The following MTR variants were observed in gnomAD, a reference collection of about 807,000 sequenced individuals.
MTR encodes the protein methionine synthase.
In MTR, 84 loss-of-function variants were observed where a neutral mutation model predicts 154.8. The observed-to-expected ratio is 0.54, with a 90% confidence interval of 0.45 to 0.65. The LOEUF is 0.65. Ranked by LOEUF, MTR falls within the 30% of genes least tolerant of loss-of-function variation. MTR has a pLI of 0.00. For missense variants in MTR, 1,275 were observed against 1,570.2 expected (o/e 0.81, Z 3.18); for synonymous variants, 554 against 553.9 (o/e 1.00, Z 0.00).
rs745712705 is a variant in MTR at position 236,816,577 on chromosome 1, T to C, written c.764+34T>C. 9.5e-6 allele frequency: 15 copies of C among 1,581,158 alleles called. No homozygotes were observed. The East Asian group carries it at 3.4e-4, about 35-fold the overall frequency. ...TCCATCTTTCTGTAACTTCTTTTCT[T>C]TTTTGGGGAACCTTTTCTGATGGCT... On this transcript the variant is annotated intron_variant, in intron 8 of 32. Coordinates refer to ENST00000366577, the MANE Select transcript of MTR (RefSeq NM_000254.3).
At chr1:236,863,013 A>G (rs1010526374) in intron 21 of MTR, among the ~76,000 whole-genome samples, 1 of 152,172 alleles carries the variant, frequency 6.6e-6, no homozygotes, top group African/African-American at 2.4e-5. Flanking sequence ...ATAGAACAAC[A>G]GTGCTGAGGA....
chr1:236,859,844 A>C lies in MTR; in HGVS notation c.1965A>C (p.Thr655=), dbSNP rs370164038. The part of the protein sequence containing the change: ...KLLRYAQTQG[T]GGKKVIQTDE... ...CAATTTCAATTCAGACTCAAGGCAC[A>C]GGAGGGAAGAAAGTCATTCAGACTG... The change falls in exon 19 of 33, where the codon ACA becomes ACC. Residue 655 remains threonine, a synonymous_variant. Coordinates refer to ENST00000366577, the MANE Select transcript of MTR (RefSeq NM_000254.3). The C allele has an allele frequency of 1.9e-6, 3 of 1,613,726 alleles. No homozygotes were observed. Among genetic ancestry groups the C allele is most frequent in the Non-Finnish European group, 2.5e-6 (3 of 1,179,752 alleles).
chr1:236,887,538 AAC>A (rs1356520310), intron 27 of MTR, among the ~76,000 whole-genome samples: 1 of 152,264 alleles, frequency 6.6e-6, no homozygotes, highest in African/African-American at 2.4e-5. Context: ...TTGGAATAAT[AAC>A]ACAAGGGCAA....
chr1:236,888,744 A>C (rs992840291), intron 27 of MTR, among the ~76,000 whole-genome samples: 3 of 152,220 alleles, frequency 2.0e-5, no homozygotes, highest in South Asian at 2.1e-4. Context: ...CTTTGAGCAT[A>C]TGTGTCAGTA....
intron 15 of MTR, among the ~76,000 whole-genome samples, chr1:236,841,242 C>T (rs1304752395): frequency 6.6e-6 from 1 of 152,194 alleles, no homozygotes; most frequent in Non-Finnish European, 1.5e-5. Context: ...TTTTATCCTT[C>T]CCAATATAGT....
At chr1:236,882,557 A>G (rs1241604104) in intron 25 of MTR, among the ~76,000 whole-genome samples, 1 of 151,908 alleles carries the variant, frequency 6.6e-6, no homozygotes, top group African/African-American at 2.4e-5. Flanking sequence ...CTTCCGGCTA[A>G]TTTTTTTGTA....
At chr1:236,875,355 G>A (rs1351492289) in intron 24 of MTR, among the ~76,000 whole-genome samples, 1 of 152,178 alleles carries the variant, frequency 6.6e-6, no homozygotes, top group Admixed American at 6.5e-5. Context: ...TTCCTGAAAG[G>A]GGAGCTTTGT....
chr1:236,842,483 C>T (rs1377055845), intron 15 of MTR, among the ~76,000 whole-genome samples: 1 of 152,086 alleles, frequency 6.6e-6, no homozygotes, highest in East Asian at 1.9e-4. Flanking sequence ...GTGTTTTGCT[C>T]TGCATCGGGT....
chr1:236,847,128 C>T (rs1288873962), intron 15 of MTR, among the ~76,000 whole-genome samples: 1 of 152,088 alleles, frequency 6.6e-6, no homozygotes, highest in Non-Finnish European at 1.5e-5. Flanking sequence ...CTCAGGTGAT[C>T]CACCTGCCTC....
chr1:236,795,825 G>C (rs1262374178), intron 1 of MTR, 88 bp downstream of exon 1: 8 of 1,596,882 alleles, frequency 5.0e-6, no homozygotes, highest in Non-Finnish European at 6.0e-6. Flanking sequence ...TCCCTTCTGC[G>C]GCGGGAGACG....
chr1:236,851,514 A>C (rs772408880), intron 16 of MTR, among the ~76,000 whole-genome samples: 1 of 152,250 alleles, frequency 6.6e-6, no homozygotes, highest in Non-Finnish European at 1.5e-5. Flanking sequence ...TATTAGATAC[A>C]GCATCTTAAC....
At chr1:236,812,428 A>G (rs1004676269) in intron 5 of MTR, among the ~76,000 whole-genome samples, 1 of 152,348 alleles carries the variant, frequency 6.6e-6, no homozygotes, top group Admixed American at 6.5e-5. Flanking sequence ...AAAGAATGAT[A>G]TGTTTCAGAG....
At chr1:236,882,703 T>TGGGGGC (rs1665813892) in intron 25 of MTR, among the ~76,000 whole-genome samples, 1 of 152,138 alleles carries the variant, frequency 6.6e-6, no homozygotes, top group Non-Finnish European at 1.5e-5. Flanking sequence ...TCCTTCACCA[T>TGGGGGC]CTTGAAGAGC....
intron 22 of MTR, among the ~76,000 whole-genome samples, chr1:236,869,008 T>C (rs943790810): frequency 3.3e-5 from 5 of 152,190 alleles, no homozygotes; most frequent in Non-Finnish European, 7.4e-5. Context: ...TAAGTACAGG[T>C]TGGAAACCAT....
chr1:236,812,444 GA>G (rs1019063232), intron 5 of MTR, among the ~76,000 whole-genome samples: 3 of 152,228 alleles, frequency 2.0e-5, no homozygotes, highest in African/African-American at 7.2e-5. Context: ...CAGAGATGTT[GA>G]ATGGGGGGTA....
chr1:236,816,449 A>G lies in MTR; in HGVS notation c.670A>G (p.Ile224Val), dbSNP rs777900847. 2 of 1,613,886 alleles carry G rather than the reference A, an allele frequency of 1.2e-6. No individual in the cohort carries two copies. The highest frequency in any genetic ancestry group is 1.7e-6 in the Non-Finnish European group (2 of 1,179,810). ...EEKYAPRPIF[I>V]SGTIVDKSGR... ...GACTTTGTTTACTTTGTCAATTCAGATTTCAGGGACGATCGTTGATAAAAG... is the reference window on the plus strand; with the variant it reads ...GACTTTGTTTACTTTGTCAATTCAGGTTTCAGGGACGATCGTTGATAAAAG... The change falls in exon 8 of 33, where the codon ATT (isoleucine) becomes GTT (valine). Residue 224 changes from isoleucine (I) to valine (V), a missense_variant and splice_region_variant. Ile to Val is a conservative substitution (Grantham distance 29, BLOSUM62 3). Coordinates refer to ENST00000366577, the MANE Select transcript of MTR (RefSeq NM_000254.3).
At chr1:236,894,250 G>A (rs887600178) in intron 29 of MTR, 107 bp from the exon 30 acceptor site, 2 of 1,079,024 alleles carry the variant, frequency 1.9e-6, no homozygotes, top group African/African-American at 3.1e-5. Flanking sequence ...TCTGTGCGTT[G>A]TGAAGCTTAT....
intron 1 of MTR, among the ~76,000 whole-genome samples, chr1:236,800,823 T>G (rs1660662758): frequency 1.3e-5 from 2 of 152,268 alleles, no homozygotes; most frequent in African/African-American, 4.8e-5. Context: ...GGTCCAGTTC[T>G]TAACACATGG....
chr1:236,872,107 A>G (rs1390442949), intron 22 of MTR, among the ~76,000 whole-genome samples: 1 of 152,250 alleles, frequency 6.6e-6, no homozygotes, highest in African/African-American at 2.4e-5. Flanking sequence ...CAAATAGAAG[A>G]AGGTTAAATT....
Sources: gnomAD v4.1 joint callset for allele counts (sites outside exome capture counted in the v4.1 genomes callset) on GRCh38, gnomAD v4.1.1 for gene constraint, MANE v1.5 for transcripts, NCBI Gene and HGNC (gene_info 2026-07-23, HGNC 2026-07-21) for gene names.